The following TMEM117 variants were observed in gnomAD, a reference collection of about 807,000 sequenced individuals.
The protein encoded by TMEM117 is transmembrane protein 117.
A neutral mutation model predicts 52.4 loss-of-function variants in TMEM117; 27 were observed. The ratio of observed to expected loss-of-function variants is 0.51; its 90% confidence interval spans 0.38 to 0.71. TMEM117 has a LOEUF of 0.71. Ranked by LOEUF, TMEM117 falls within the 30% of genes least tolerant of loss-of-function variation. TMEM117 has a pLI of 0.00. For synonymous variants in TMEM117, 215 were observed against 206.3 expected, an observed-to-expected ratio of 1.04 and a Z score of -0.36; for missense variants, 556 against 630.5, an observed-to-expected ratio of 0.88 and a Z score of 1.26.
chr12:44,187,952 CT>C (rs1203763466), intron 4 of TMEM117, among the ~76,000 whole-genome samples: 1 of 152,078 alleles, frequency 6.6e-6, no homozygotes, highest in Admixed American at 6.6e-5. Flanking sequence ...GAAATAACAG[CT>C]TTTTTCAGGT....
At chr12:44,285,496 G>A (rs17094382) in intron 5 of TMEM117, among the ~76,000 whole-genome samples, 6,081 of 152,234 alleles carry the variant, frequency 0.04, 229 homozygotes, top group African/African-American at 0.096. Context: ...GCCATATGGA[G>A]AAGCTGTACT....
At chr12:43,804,951 T>C in the TMEM117 span, among the ~76,000 whole-genome samples, 1 of 152,240 alleles carries the variant, frequency 6.6e-6, no homozygotes, top group Non-Finnish European at 1.5e-5. Flanking sequence ...TTCAAGCTTA[T>C]GACAGACACT....
intron 5 of TMEM117, among the ~76,000 whole-genome samples, chr12:44,286,650 A>G (rs1950642234): frequency 1.3e-5 from 2 of 152,208 alleles, no homozygotes; most frequent in African/African-American, 4.8e-5. Flanking sequence ...AAAGTTCCGT[A>G]TTTTATAAAA....
chr12:44,208,506 C>G (rs1425526951), intron 4 of TMEM117, among the ~76,000 whole-genome samples: 2 of 152,070 alleles, frequency 1.3e-5, no homozygotes, highest in African/African-American at 4.8e-5. Context: ...GCATCTTTTC[C>G]CACAAAGACT....
At chr12:44,218,584 C>T (rs956632467) in intron 5 of TMEM117, among the ~76,000 whole-genome samples, 2 of 152,174 alleles carry the variant, frequency 1.3e-5, no homozygotes, top group African/African-American at 4.8e-5. Flanking sequence ...GTTGCTCACT[C>T]TCCCCCACTT....
chr12:44,017,831 GT>G (rs2137825437), intron 3 of TMEM117, among the ~76,000 whole-genome samples: 1 of 152,174 alleles, frequency 6.6e-6, no homozygotes, highest in East Asian at 1.9e-4. Flanking sequence ...TTCAATGTGT[GT>G]TTTGGCTAGG....
chr12:44,035,959 T>C (rs906844975), intron 3 of TMEM117, among the ~76,000 whole-genome samples: 1 of 152,202 alleles, frequency 6.6e-6, no homozygotes, highest in Non-Finnish European at 1.5e-5. Flanking sequence ...AGGTGTTTTA[T>C]GACATGATAG....
chr12:44,170,383 T>C (rs1163667909), intron 4 of TMEM117, among the ~76,000 whole-genome samples: 4 of 152,040 alleles, frequency 2.6e-5, no homozygotes, highest in Non-Finnish European at 4.4e-5. Flanking sequence ...ACATGGCACA[T>C]GTATACATAT....
chr12:43,999,296 G>A (rs1188761770), intron 3 of TMEM117, among the ~76,000 whole-genome samples: 1 of 152,092 alleles, frequency 6.6e-6, no homozygotes, highest in Non-Finnish European at 1.5e-5. Flanking sequence ...TTCCAAAAAG[G>A]TTTCTTTTAA....
chr12:43,886,098 G>A (rs1007452874), intron 2 of TMEM117, among the ~76,000 whole-genome samples: 1 of 152,176 alleles, frequency 6.6e-6, no homozygotes, highest in Non-Finnish European at 1.5e-5. Context: ...ATCTTAAGCA[G>A]TAGAGTAATA....
At chr12:44,102,262 A>G (rs1260307865) in intron 3 of TMEM117, among the ~76,000 whole-genome samples, 5 of 152,038 alleles carry the variant, frequency 3.3e-5, no homozygotes, top group African/African-American at 1.2e-4. Context: ...CATTTCCCAC[A>G]TTAAGGGAAT....
upstream of TMEM117, among the ~76,000 whole-genome samples, chr12:43,833,250 A>G (rs923653960): frequency 1.3e-5 from 2 of 152,208 alleles, no homozygotes. Context: ...CATGTAAGTG[A>G]TGCCAGACAT....
At chr12:43,859,857 T>C (rs1277365148) in intron 2 of TMEM117, among the ~76,000 whole-genome samples, 1 of 152,214 alleles carries the variant, frequency 6.6e-6, no homozygotes, top group East Asian at 1.9e-4. Flanking sequence ...ATTTCTAAAA[T>C]TGGCAACTTA....
intron 3 of TMEM117, among the ~76,000 whole-genome samples, chr12:43,979,433 ATGGT>A (rs1945724180): frequency 1.3e-5 from 2 of 152,180 alleles, no homozygotes; most frequent in Non-Finnish European, 2.9e-5. Flanking sequence ...ATACTGACAC[ATGGT>A]AGGACTGTTT....
Position 44,025,841 on chromosome 12 carries a change from A to G in TMEM117, c.410+81499A>G, listed in dbSNP as rs1345114701. Among the ~76,000 whole-genome samples the G allele has an allele frequency of 2.6e-5, 4 of 152,216 alleles. No homozygotes were observed. In the South Asian group the frequency reaches 6.2e-4, roughly 24 times the overall value. ...AACTCCAAATTTAGATTCATTACAC[A>G]GCTACAATTCTTGACGAAGAATTTA... On this transcript the variant is annotated intron_variant, in intron 3 of 7. Coordinates refer to ENST00000266534, the MANE Select transcript of TMEM117 (RefSeq NM_032256.3).
intron 3 of TMEM117, among the ~76,000 whole-genome samples, chr12:44,000,146 C>T (rs1435006185): frequency 1.3e-5 from 2 of 152,060 alleles, no homozygotes; most frequent in African/African-American, 4.8e-5. Flanking sequence ...TTTTGAAAGC[C>T]CCTTTGGCTC....
intron 6 of TMEM117, among the ~76,000 whole-genome samples, chr12:44,350,538 C>A (rs1369547179): frequency 6.6e-6 from 1 of 151,886 alleles, no homozygotes; most frequent in Non-Finnish European, 1.5e-5. Context: ...CATTCTCTGG[C>A]AACCGTTCTT....
chr12:43,941,692 T>G (rs1945047184), intron 2 of TMEM117, among the ~76,000 whole-genome samples: 1 of 152,250 alleles, frequency 6.6e-6, no homozygotes, highest in Non-Finnish European at 1.5e-5. Flanking sequence ...TGGGTCATAC[T>G]AGTTCTGGAC....
At chr12:43,827,344 C>A in the TMEM117 span, among the ~76,000 whole-genome samples, 1 of 152,244 alleles carries the variant, frequency 6.6e-6, no homozygotes, top group East Asian at 1.9e-4. Context: ...TCTTCCTCAC[C>A]ACCAAGTTGG....
Sources: gnomAD v4.1 joint callset for allele counts (sites outside exome capture counted in the v4.1 genomes callset) on GRCh38, gnomAD v4.1.1 for gene constraint, MANE v1.5 for transcripts, NCBI Gene and HGNC (gene_info 2026-07-23, HGNC 2026-07-21) for gene names.